JAK2: variants seen among roughly 807,000 people sequenced by gnomAD.
JAK2 encodes the protein Janus kinase 2.
Under a neutral mutation model 139.3 loss-of-function variants are expected in JAK2, and 86 were observed. That is an observed-to-expected ratio of 0.62 (90% CI 0.52 to 0.74). The LOEUF (loss-of-function observed/expected upper bound fraction) is 0.74, where lower values mean the gene tolerates loss of function less well. JAK2 is among the 30% of genes least tolerant of loss of function. The probability of loss-of-function intolerance (pLI) is 0.00; values close to 1 mark genes in which losing one functional copy is unlikely to be tolerated. For missense variants in JAK2, 1,421 were observed against 1,360.3 expected (o/e 1.04, Z -0.70); for synonymous variants, 490 against 437.7 (o/e 1.12, Z -1.49).
chr9:5,102,047 G>C (rs1821536473), intron 22 of JAK2, among the ~76,000 whole-genome samples: 1 of 152,190 alleles, frequency 6.6e-6, no homozygotes, highest in Non-Finnish European at 1.5e-5. Context: ...ACTTTGACGA[G>C]CTGACAGAAG....
At chr9:5,103,147 C>G (rs1363363601) in intron 22 of JAK2, among the ~76,000 whole-genome samples, 1 of 135,008 alleles carries the variant, frequency 7.4e-6, no homozygotes, top group African/African-American at 2.8e-5. Flanking sequence ...ATTCAGGAGA[C>G]CAATCTCATG....
Position 5,018,220 on chromosome 9 carries a change from A to G in JAK2, c.-25-3743A>G, listed in dbSNP as rs114616928. On this transcript the variant is annotated intron_variant, in intron 2 of 24. Transcript: ENST00000381652. ...TAGCATTGTGGTTTGTTGGTTTTCTATAGTGATAACATTTGAATCCTTTCT... is the reference window on the plus strand; with the variant it reads ...TAGCATTGTGGTTTGTTGGTTTTCTGTAGTGATAACATTTGAATCCTTTCT... 4.1e-3 allele frequency among the ~76,000 whole-genome samples: 631 copies of G among 152,136 alleles called. 7 individuals carry two copies. Among genetic ancestry groups the G allele is most frequent in the African/African-American group, 0.014 (600 of 41,500 alleles).
chr9:5,120,855 G>A (rs1181731803), intron 22 of JAK2, among the ~76,000 whole-genome samples: 3 of 152,168 alleles, frequency 2.0e-5, no homozygotes, highest in African/African-American at 4.8e-5. Flanking sequence ...AGATTGTGAT[G>A]CTATTTATTG....
chr9:5,050,013 T>C (rs1563957330), intron 5 of JAK2, among the ~76,000 whole-genome samples: 1 of 152,222 alleles, frequency 6.6e-6, no homozygotes, highest in African/African-American at 2.4e-5. Flanking sequence ...AACATTGTTA[T>C]GGGGCACATG....
intron 2 of JAK2, among the ~76,000 whole-genome samples, chr9:5,001,908 T>A (rs2129849332): frequency 6.6e-6 from 1 of 152,150 alleles, no homozygotes; most frequent in East Asian, 1.9e-4. Context: ...TTGGTAATTT[T>A]TGTCTTTCAA....
At chr9:5,092,532 A>G (rs1820667280) in intron 22 of JAK2, among the ~76,000 whole-genome samples, 1 of 152,126 alleles carries the variant, frequency 6.6e-6, no homozygotes, top group Non-Finnish European at 1.5e-5. Flanking sequence ...TAATCAAACC[A>G]TTTACCTTAG....
intron 2 of JAK2, among the ~76,000 whole-genome samples, chr9:5,003,152 T>C (rs958605880): frequency 2.0e-5 from 3 of 152,140 alleles, no homozygotes; most frequent in Admixed American, 6.5e-5. Flanking sequence ...TCTTGATGTC[T>C]GATAATATAA....
chr9:5,029,368 T>C (rs916465372), intron 3 of JAK2, among the ~76,000 whole-genome samples: 6 of 152,132 alleles, frequency 3.9e-5, no homozygotes, highest in African/African-American at 1.4e-4. Context: ...ATGTCAAAGA[T>C]CACTGATCAC....
intron 3 of JAK2, among the ~76,000 whole-genome samples, chr9:5,022,784 C>T (rs1822513886): frequency 6.6e-6 from 1 of 152,112 alleles, no homozygotes; most frequent in Admixed American, 6.5e-5. Flanking sequence ...TTTACTAGAC[C>T]ACTGAGGTTA....
intron 4 of JAK2, chr9:5,041,269 G>T: frequency 8.1e-7 from 1 of 1,239,808 alleles, no homozygotes; most frequent in Non-Finnish European, 1.2e-6. Flanking sequence ...TCGACCTCGG[G>T]CTGGCCAAGG....
intron 13 of JAK2, among the ~76,000 whole-genome samples, chr9:5,073,289 G>T (rs10283730): frequency 3.9e-5 from 6 of 152,070 alleles, no homozygotes; most frequent in Non-Finnish European, 8.8e-5. Flanking sequence ...CACAGATGTC[G>T]TGATATTTTA....
intron 12 of JAK2, among the ~76,000 whole-genome samples, chr9:5,072,064 A>C (rs1818986029): frequency 1.3e-5 from 2 of 152,206 alleles, no homozygotes; most frequent in African/African-American, 4.8e-5. Context: ...CAGCTGCAGC[A>C]CAGAGATTAA....
At chr9:5,016,658 A>G (rs1399492117) in intron 2 of JAK2, among the ~76,000 whole-genome samples, 2 of 152,176 alleles carry the variant, frequency 1.3e-5, no homozygotes, top group East Asian at 1.9e-4. Flanking sequence ...GTTAACCACT[A>G]CTTAGATCAA....
chr9:5,055,326 T>A (rs961683646), intron 7 of JAK2, among the ~76,000 whole-genome samples: 5 of 152,038 alleles, frequency 3.3e-5, no homozygotes, highest in African/African-American at 1.2e-4. Context: ...GTTCATAGAT[T>A]GTTACTAGAG....
At chr9:5,015,464 T>C (rs1214998483) in intron 2 of JAK2, among the ~76,000 whole-genome samples, 1 of 152,206 alleles carries the variant, frequency 6.6e-6, no homozygotes, top group African/African-American at 2.4e-5. Flanking sequence ...GTTAAACGGC[T>C]GGCACCTTAG....
At chr9:5,083,868 T>C (rs996850217) in intron 19 of JAK2, among the ~76,000 whole-genome samples, 4 of 152,164 alleles carry the variant, frequency 2.6e-5, no homozygotes, top group African/African-American at 9.6e-5. Flanking sequence ...TTTGTTGTAG[T>C]CTCTGCACAA....
At position 5,078,290 on chromosome 9, in the gene JAK2, C is replaced by T. The variant is rs150656679; in HGVS notation, c.1993-16C>T. On this transcript the variant is annotated splice_polypyrimidine_tract_variant and intron_variant, in intron 15 of 24. Transcript: ENST00000381652. ...GTGGACTGATATTTGAATATATGTG[C>T]GTTTAACTCTAATAGGAAGAAAACA... 7.1e-4 allele frequency: 1,140 copies of T among 1,602,904 alleles called. 10 individuals are homozygous for T. The African/African-American group carries it at 0.013, about 18-fold the overall frequency.
At chr9:5,101,971 T>A (rs912897759) in intron 22 of JAK2, among the ~76,000 whole-genome samples, 2 of 152,010 alleles carry the variant, frequency 1.3e-5, no homozygotes, top group African/African-American at 4.8e-5. Context: ...AGCTGAAAAT[T>A]CTAAAAACCA....
chr9:5,085,658 T>C, intron 19 of JAK2: 1 of 724,838 alleles, frequency 1.4e-6, no homozygotes. Context: ...TTGTGTGTTT[T>C]CCTTTTCGAG....
Sources: allele counts gnomAD v4.1 joint callset (sites outside exome capture counted in the v4.1 genomes callset), GRCh38; gene constraint gnomAD v4.1.1; transcripts MANE v1.5; gene names NCBI Gene and HGNC (gene_info 2026-07-23, HGNC 2026-07-21).